SH3PXD2B: variants seen among roughly 807,000 people sequenced by gnomAD.
SH3PXD2B encodes SH3 and PX domain-containing protein 2B.
In SH3PXD2B, 37 loss-of-function variants were observed where a neutral mutation model predicts 73.1. The ratio of observed to expected loss-of-function variants is 0.51; its 90% CI spans 0.39 to 0.67. SH3PXD2B has a LOEUF of 0.67. Ranked by LOEUF, SH3PXD2B falls within the 30% of genes least tolerant of loss-of-function variation. The pLI, the probability that SH3PXD2B is intolerant of heterozygous loss-of-function variation, is 0.00. For missense variants in SH3PXD2B, 1,053 were observed against 1,197.8 expected (o/e 0.88, Z 1.78); for synonymous variants, 457 against 480.5 (o/e 0.95, Z 0.64).
At chr5:172,385,591 T>C (rs1758043421) in intron 4 of SH3PXD2B, among the ~76,000 whole-genome samples, 1 of 152,198 alleles carries the variant, frequency 6.6e-6, no homozygotes, top group Non-Finnish European at 1.5e-5. Context: ...GTGTCTCTGC[T>C]AGAGGAGACT....
intron 12 of SH3PXD2B, among the ~76,000 whole-genome samples, chr5:172,342,500 C>T (rs905204836): frequency 6.6e-6 from 1 of 152,216 alleles, no homozygotes; most frequent in Non-Finnish European, 1.5e-5. Flanking sequence ...GTGGCTCACA[C>T]CTGTAATCCC....
intron 6 of SH3PXD2B, among the ~76,000 whole-genome samples, chr5:172,367,519 C>T (rs978755657): frequency 6.6e-6 from 1 of 151,990 alleles, no homozygotes; most frequent in South Asian, 2.1e-4. Context: ...TGAGCCACTG[C>T]GCCTGGCCTT....
intron 2 of SH3PXD2B, among the ~76,000 whole-genome samples, chr5:172,409,283 G>A (rs558948539): frequency 3.9e-5 from 6 of 152,266 alleles, no homozygotes; most frequent in Non-Finnish European, 8.8e-5. Context: ...TAGGGAGACT[G>A]AGGCAGGAGA....
rs111208075 is a variant in SH3PXD2B, at chr5:172,368,733, T to A, written c.427+5057A>T. On this transcript the variant is annotated intron_variant, in intron 6 of 12. Coordinates refer to ENST00000311601, the MANE Select transcript of SH3PXD2B (RefSeq NM_001017995.3). ...TATTATATATATATAAAATATATAT[T>A]TAATATATGTAATATATATATATTT... Among the ~76,000 whole-genome samples, 55 of 96,092 alleles carry A rather than the reference T, an allele frequency of 5.7e-4. 1 individual carries two copies. In the South Asian group the frequency reaches 6.4e-3, roughly 11 times the overall value. 63.0% of individuals were successfully genotyped at this position (96,092 alleles called of 152,430 possible).
chr5:172,431,706 C>A (rs1408316168), intron 1 of SH3PXD2B, among the ~76,000 whole-genome samples: 6 of 148,800 alleles, frequency 4.0e-5, no homozygotes, highest in African/African-American at 1.5e-4. Context: ...ACACACACAG[C>A]TGATGCTCAT....
In SH3PXD2B at chr5:172,333,614, C is replaced by T. The variant is rs1756616380; in HGVS notation, c.*4755G>A. 7.8e-7 allele frequency: 1 copy of T among 1,284,948 alleles called. No homozygotes were observed. The highest frequency in any genetic ancestry group is 1.0e-6 in the Non-Finnish European group (1 of 987,564). 79.6% of individuals were successfully genotyped at this position (1,284,948 alleles called of 1,614,324 possible). A position where few individuals can be genotyped will look rare whatever the true frequency, so the allele number is the denominator to read the frequency against. Reference sequence around the variant, plus strand: ...CATGCTACAGCTAGTTGTTCTCACCCCTCCCCTCACATCCTATATACTCAT... The same window carrying T: ...CATGCTACAGCTAGTTGTTCTCACCTCTCCCCTCACATCCTATATACTCAT... On this transcript the variant is annotated 3_prime_UTR_variant, in exon 13 of 13. Coordinates refer to ENST00000311601, the MANE Select transcript of SH3PXD2B (RefSeq NM_001017995.3).
chr5:172,344,389 A>G (rs1756931843), intron 12 of SH3PXD2B, among the ~76,000 whole-genome samples: 1 of 152,116 alleles, frequency 6.6e-6, no homozygotes, highest in African/African-American at 2.4e-5. Flanking sequence ...GGAGTTCGAG[A>G]CCAGCCTGGC....
Position 172,334,064 on chromosome 5 carries a change from G to A in SH3PXD2B, c.*4305C>T. ...CTGTGGCACTGCGTTTGGCCTCTTT[G>A]AGGACAGAAGAGGTTGAGCCCCTCA... On this transcript the variant is annotated 3_prime_UTR_variant, in exon 13 of 13. Transcript: ENST00000311601. The A allele has an allele frequency of 1.7e-6, 2 of 1,151,080 alleles. No homozygotes were observed. Among genetic ancestry groups the A allele is most frequent in the Non-Finnish European group, 2.2e-6 (2 of 928,968 alleles). The allele number at this position is 1,151,080 out of a possible 1,614,324, so 71.3% of individuals were successfully genotyped here. A position where few individuals can be genotyped will look rare whatever the true frequency, so the allele number is the denominator to read the frequency against.
At chr5:172,378,230 A>C (rs1329666239) in intron 5 of SH3PXD2B, among the ~76,000 whole-genome samples, 1 of 152,170 alleles carries the variant, frequency 6.6e-6, no homozygotes, top group East Asian at 1.9e-4. Context: ...CTGTGTGTCT[A>C]AGTTGGTCTG....
intron 6 of SH3PXD2B, among the ~76,000 whole-genome samples, chr5:172,364,493 C>T (rs1435775214): frequency 6.6e-6 from 1 of 151,922 alleles, no homozygotes. Flanking sequence ...AGCGAAACCC[C>T]GTCTCTACTA....
chr5:172,376,039 T>TTTC (rs1393258079), intron 5 of SH3PXD2B, among the ~76,000 whole-genome samples: 1 of 151,452 alleles, frequency 6.6e-6, no homozygotes, highest in Non-Finnish European at 1.5e-5. Flanking sequence ...TCTTTTTTTT[T>TTTC]TTTTTTTTGA....
chr5:172,378,516 T>C (rs965013321), intron 5 of SH3PXD2B, among the ~76,000 whole-genome samples: 1 of 152,186 alleles, frequency 6.6e-6, no homozygotes, highest in Non-Finnish European at 1.5e-5. Context: ...AAAGTTAAAG[T>C]AGAAGAAAAT....
intron 6 of SH3PXD2B, among the ~76,000 whole-genome samples, chr5:172,368,891 A>ATAT (rs1368764754): frequency 7.5e-6 from 1 of 133,168 alleles, no homozygotes; most frequent in African/African-American, 2.8e-5. Flanking sequence ...TATAAAAAAA[A>ATAT]ATATATATAT....
intron 12 of SH3PXD2B, among the ~76,000 whole-genome samples, chr5:172,340,752 A>G (rs1756832219): frequency 6.6e-6 from 1 of 151,884 alleles, no homozygotes; most frequent in Admixed American, 6.6e-5. Flanking sequence ...GTACCACCAC[A>G]CCTGGCTAAT....
intron 1 of SH3PXD2B, among the ~76,000 whole-genome samples, chr5:172,430,007 G>A (rs1037416813): frequency 3.3e-5 from 5 of 152,188 alleles, no homozygotes; most frequent in African/African-American, 1.2e-4. Context: ...TTCTCAACTA[G>A]CTTTGTGCTC....
chr5:172,406,414 A>G (rs1758560185), intron 2 of SH3PXD2B, 62 bp from the exon 3 acceptor site: 5 of 1,551,056 alleles, frequency 3.2e-6, no homozygotes, highest in Middle Eastern at 1.7e-4. Flanking sequence ...ATCATCTAGG[A>G]CATTTTAAAG....
At chr5:172,329,437 C>T (rs537089382), downstream of SH3PXD2B, among the ~76,000 whole-genome samples, 1 of 151,270 alleles carries the variant, frequency 6.6e-6, no homozygotes, top group South Asian at 2.1e-4. Flanking sequence ...GTTCACTATT[C>T]TGTACTATAC....
Position 172,338,155 on chromosome 5 carries a change from G to A in SH3PXD2B, c.*214C>T, listed in dbSNP as rs1175435121. The A allele has an allele frequency of 6.9e-7, 1 of 1,448,134 alleles. No individual in the cohort carries two copies. Among genetic ancestry groups the A allele is most frequent in the Non-Finnish European group, 9.0e-7 (1 of 1,106,422 alleles). The allele number at this position is 1,448,134 out of a possible 1,614,324, so 89.7% of individuals were successfully genotyped here. A position where few individuals can be genotyped will look rare whatever the true frequency, so the allele number is the denominator to read the frequency against. On this transcript the variant is annotated 3_prime_UTR_variant, in exon 13 of 13. Coordinates refer to ENST00000311601, the MANE Select transcript of SH3PXD2B (RefSeq NM_001017995.3). The surrounding 1 kb of genome is among the most constrained non-coding windows in gnomAD (Gnocchi z 5.1). ...ACAGAAAGCAAAGGCTGTGGGTTCT[G>A]AGCCTCCAGTGATGCTGTGATAGGA... is the stretch of plus-strand genomic sequence containing the variant.
intron 12 of SH3PXD2B, among the ~76,000 whole-genome samples, chr5:172,340,996 C>T (rs550706879): frequency 6.6e-6 from 1 of 152,328 alleles, no homozygotes; most frequent in East Asian, 1.9e-4. Flanking sequence ...AGTAGATTTT[C>T]ATCGTGTCCC....
Sources: allele counts gnomAD v4.1 joint callset (sites outside exome capture counted in the v4.1 genomes callset), GRCh38; gene constraint gnomAD v4.1.1; non-coding constraint Gnocchi (gnomAD v3.1); transcripts MANE v1.5; gene names NCBI Gene and HGNC (gene_info 2026-07-23, HGNC 2026-07-21).